LCORL: variants seen among roughly 807,000 people sequenced by gnomAD.
LCORL encodes ligand dependent nuclear receptor corepressor like, also known as ligand-dependent nuclear receptor corepressor-like protein.
A neutral mutation model predicts 141.8 loss-of-function variants in LCORL; 41 were observed. The observed-to-expected ratio is 0.29, with a 90% CI of 0.23 to 0.38. The LOEUF is 0.38. LCORL is among the 10% of genes least tolerant of loss of function. The pLI is 1.00. For missense variants in LCORL, 1,759 were observed against 2,035.0 expected (o/e 0.86, Z 2.61); for synonymous variants, 618 against 694.1 (o/e 0.89, Z 1.72).
exon 8 of LCORL, chr4:17,841,210 TTTTA>T (rs1366401647): frequency 2.0e-5 from 3 of 151,970 alleles, no homozygotes; most frequent in Non-Finnish European, 4.4e-5. Flanking sequence ...CTTTTTATTG[TTTTA>T]TTATTTCCTC....
intron 4 of LCORL, among the ~76,000 whole-genome samples, chr4:17,923,561 G>A (rs1326762980): frequency 6.6e-6 from 1 of 152,168 alleles, no homozygotes; most frequent in South Asian, 2.1e-4. Flanking sequence ...CAGGAGAATC[G>A]CTCGAACCCG....
At chr4:18,009,643 A>G (rs1723376616) in intron 1 of LCORL, among the ~76,000 whole-genome samples, 3 of 152,012 alleles carry the variant, frequency 2.0e-5, no homozygotes, top group Non-Finnish European at 4.4e-5. Flanking sequence ...ACCCCCTGGT[A>G]TCTACTGGGG....
At chr4:17,911,401 C>T (rs1282806499) in intron 4 of LCORL, among the ~76,000 whole-genome samples, 5 of 152,286 alleles carry the variant, frequency 3.3e-5, no homozygotes, top group African/African-American at 7.2e-5. Context: ...CTTGTTATAA[C>T]ATGTGTAAAC....
chr4:17,940,509 A>C, intron 4 of LCORL, among the ~76,000 whole-genome samples: 1 of 121,466 alleles, frequency 8.2e-6, no homozygotes, highest in Non-Finnish European at 1.8e-5. Flanking sequence ...TATGTAATAC[A>C]GATGTAATAT....
rs544565344 is a variant in LCORL, at chr4:17,852,953, C to G, written c.5603-7052G>C. ...ATAAACTTGAATGTTACCTAGCCGACTCTTACAGGAATCAAATTTTGGTGC... is the reference window on the plus strand; with the variant it reads ...ATAAACTTGAATGTTACCTAGCCGAGTCTTACAGGAATCAAATTTTGGTGC... On this transcript the variant is annotated intron_variant, in intron 7 of 7. Transcript: ENST00000635767. 5.3e-5 allele frequency among the ~76,000 whole-genome samples: 8 copies of G among 152,006 alleles called. No individual in the cohort carries two copies. The South Asian group carries it at 1.7e-3, about 32-fold the overall frequency.
At chr4:17,904,666 TATA>T (rs1035481960) in intron 5 of LCORL, among the ~76,000 whole-genome samples, 4 of 152,118 alleles carry the variant, frequency 2.6e-5, no homozygotes, top group Non-Finnish European at 5.9e-5. Context: ...CCCCGTGATT[TATA>T]ATGACATTTC....
chr4:17,917,679 C>T (rs903616816), intron 4 of LCORL, among the ~76,000 whole-genome samples: 2 of 152,206 alleles, frequency 1.3e-5, no homozygotes, highest in Non-Finnish European at 2.9e-5. Context: ...AGAAAGGTGA[C>T]TGGTTGTCTT....
intron 1 of LCORL, among the ~76,000 whole-genome samples, chr4:17,991,465 T>A (rs1283360262): frequency 6.6e-6 from 1 of 152,254 alleles, no homozygotes. Context: ...TAGAGTCAAC[T>A]GAGTTCAGAA....
intron 6 of LCORL, chr4:17,882,969 T>C (rs1256495252): frequency 1.1e-6 from 1 of 917,338 alleles, no homozygotes; most frequent in African/African-American, 1.8e-5. Flanking sequence ...TATTTTTTGT[T>C]CTTAGTACTC....
chr4:17,852,857 T>C (rs1440861312), intron 7 of LCORL, among the ~76,000 whole-genome samples: 1 of 152,074 alleles, frequency 6.6e-6, no homozygotes. Flanking sequence ...AAAAGTAAAA[T>C]TGTATCTAGC....
intron 4 of LCORL, among the ~76,000 whole-genome samples, chr4:17,959,088 C>T (rs1713265213): frequency 6.6e-6 from 1 of 152,050 alleles, no homozygotes; most frequent in Non-Finnish European, 1.5e-5. Context: ...AAGTAATACG[C>T]TTCTTCCAGT....
rs536524535 is a variant in LCORL at position 17,936,868 on chromosome 4, C to A, written c.430+25035G>T. Among the ~76,000 whole-genome samples, 33 of 152,212 alleles carry A rather than the reference C, an allele frequency of 2.2e-4. 2 individuals are homozygous for A. The South Asian group carries it at 6.2e-3, about 29-fold the overall frequency. On this transcript the variant is annotated intron_variant, in intron 4 of 7. Coordinates refer to ENST00000635767, the Ensembl canonical transcript of LCORL. Reference sequence around the variant, plus strand: ...CCCCAACTCCAAATGTCTCTTCACACAGAATATTGCAGGAAGTTCCTAATC... The same window carrying A: ...CCCCAACTCCAAATGTCTCTTCACAAAGAATATTGCAGGAAGTTCCTAATC...
intron 4 of LCORL, among the ~76,000 whole-genome samples, chr4:17,954,201 G>A (rs1016789841): frequency 6.6e-6 from 1 of 151,918 alleles, no homozygotes; most frequent in Non-Finnish European, 1.5e-5. Flanking sequence ...AAACAAAAAC[G>A]TGAAAGAGTG....
At position 17,861,167 on chromosome 4, in the gene LCORL, C is replaced by T. The variant is rs944134768; in HGVS notation, c.5602+12221G>A. Among the ~76,000 whole-genome samples the T allele has an allele frequency of 2.0e-5, 3 of 152,228 alleles. No homozygotes were observed. In the South Asian group the frequency reaches 6.2e-4, roughly 32 times the overall value. On this transcript the variant is annotated intron_variant, in intron 7 of 7. Transcript: ENST00000635767. ...GGGGCTGTGACTCCACATTTCCCTT[C>T]TGCACTGCCCTAGCAGAGGTTCTCC... is the stretch of plus-strand genomic sequence containing the variant.
intron 4 of LCORL, among the ~76,000 whole-genome samples, chr4:17,952,692 G>A (rs1711651782): frequency 6.6e-6 from 1 of 152,188 alleles, no homozygotes; most frequent in African/African-American, 2.4e-5. Context: ...TGGGATTACA[G>A]GCGTGAGCCA....
chr4:17,901,177 A>G (rs1730808667), intron 5 of LCORL, among the ~76,000 whole-genome samples: 1 of 152,110 alleles, frequency 6.6e-6, no homozygotes, highest in Non-Finnish European at 1.5e-5. Context: ...AAAAAAAGAA[A>G]TCTGCTTCCA....
chr4:17,885,686 A>G (rs563499206), intron 6 of LCORL, among the ~76,000 whole-genome samples: 7 of 152,142 alleles, frequency 4.6e-5, no homozygotes, highest in African/African-American at 1.7e-4. Flanking sequence ...ACTAGCATTA[A>G]TTAGTAAGTA....
chr4:17,896,813 T>A (rs1730002066), intron 5 of LCORL, among the ~76,000 whole-genome samples: 2 of 152,138 alleles, frequency 1.3e-5, no homozygotes. Context: ...AAATACTAGA[T>A]CTTATTCATT....
At chr4:17,969,095 A>G (rs898558886) in intron 2 of LCORL, among the ~76,000 whole-genome samples, 1 of 152,224 alleles carries the variant, frequency 6.6e-6, no homozygotes, top group Non-Finnish European at 1.5e-5. Context: ...CCAATAAGAC[A>G]TAAAAGATTA....
Sources: allele counts gnomAD v4.1 joint callset (sites outside exome capture counted in the v4.1 genomes callset), GRCh38; gene constraint gnomAD v4.1.1; transcripts MANE v1.5; gene names NCBI Gene and HGNC (gene_info 2026-07-23, HGNC 2026-07-21).